Variants in OPN3 observed in about 807,000 individuals in gnomAD.
OPN3 encodes opsin 3.
In OPN3, 29 loss-of-function variants were observed where a neutral mutation model predicts 33.8. The observed-to-expected ratio is 0.86, with a 90% CI of 0.64 to 1.17. The LOEUF (loss-of-function observed/expected upper bound fraction) is 1.17. Among genes scored for constraint, OPN3 ranks in the 50% most tolerant of loss-of-function variants. The pLI is 0.00. For missense variants in OPN3, 437 were observed against 514.1 expected (o/e 0.85, Z 1.45); for synonymous variants, 216 against 216.1 (o/e 1.00, Z 0.00).
chr1:241,598,345 G>A (rs193163306), intron 2 of OPN3, among the ~76,000 whole-genome samples: 8 of 152,242 alleles, frequency 5.3e-5, no homozygotes, highest in Admixed American at 4.6e-4. Flanking sequence ...ACGATAAAAT[G>A]CAAAGAATTT....
intron 1 of OPN3, among the ~76,000 whole-genome samples, chr1:241,615,058 T>C (rs1664090690): frequency 6.6e-6 from 1 of 152,156 alleles, no homozygotes. Flanking sequence ...AAAAGGATCA[T>C]TATTACACTA....
Position 241,640,059 on chromosome 1 carries a change from A to G in OPN3, c.196T>C (p.Tyr66His). 1 of 1,612,548 alleles carries G rather than the reference A, an allele frequency of 6.2e-7. No individual in the cohort carries two copies. The highest frequency in any genetic ancestry group is 8.5e-7 in the Non-Finnish European group (1 of 1,179,412). ...GTGCGGAGCCGCTGGAACTTGTAGTAGAGGACGAGCACCAGCAGGTTGTTG... is the reference window on the plus strand; with the variant it reads ...GTGCGGAGCCGCTGGAACTTGTAGTGGAGGACGAGCACCAGCAGGTTGTTG... The part of the protein sequence containing the change: ...VGNNLLVLVL[Y>H]YKFQRLRTPT... The change falls in exon 1 of 4, where the codon TAC becomes CAC. Residue 66 changes from tyrosine to histidine, a missense_variant. Physicochemically the swap from Tyr to His is moderately conservative, Grantham distance 83. Coordinates refer to ENST00000366554, the MANE Select transcript of OPN3 (RefSeq NM_014322.3).
chr1:241,600,041 A>G (rs1356935867), intron 2 of OPN3, among the ~76,000 whole-genome samples: 1 of 152,184 alleles, frequency 6.6e-6, no homozygotes, highest in Non-Finnish European at 1.5e-5. Context: ...AACCTCCAGT[A>G]TTTAGGTCCA....
chr1:241,610,508 TG>T (rs1364224817), intron 1 of OPN3, among the ~76,000 whole-genome samples: 1 of 152,168 alleles, frequency 6.6e-6, no homozygotes, highest in Non-Finnish European at 1.5e-5. Context: ...AGCACAGAAG[TG>T]AAAATATATA....
At chr1:241,637,246 AT>A (rs1322460729) in intron 1 of OPN3, among the ~76,000 whole-genome samples, 1 of 152,240 alleles carries the variant, frequency 6.6e-6, no homozygotes, top group Non-Finnish European at 1.5e-5. Context: ...ATAATCCTGG[AT>A]ACTGGAAAAA....
chr1:241,638,516 G>A (rs1370149250), intron 1 of OPN3, among the ~76,000 whole-genome samples: 1 of 152,152 alleles, frequency 6.6e-6, no homozygotes, highest in Non-Finnish European at 1.5e-5. Context: ...GATACTTTAG[G>A]CTTGGGCTTG....
intron 2 of OPN3, among the ~76,000 whole-genome samples, chr1:241,601,520 T>C (rs899312571): frequency 6.6e-6 from 1 of 152,024 alleles, no homozygotes; most frequent in African/African-American, 2.4e-5. Context: ...CTGGCCAACA[T>C]GGTGAAACCC....
intron 1 of OPN3, among the ~76,000 whole-genome samples, chr1:241,610,146 C>A (rs1275258857): frequency 6.6e-6 from 1 of 152,198 alleles, no homozygotes; most frequent in Non-Finnish European, 1.5e-5. Context: ...TTAGGCTTTG[C>A]CTAAGCTTGC....
chr1:241,607,651 G>A (rs1242238443), intron 1 of OPN3, among the ~76,000 whole-genome samples: 1 of 144,754 alleles, frequency 6.9e-6, no homozygotes, highest in Non-Finnish European at 1.5e-5. Context: ...AAAGAAGAAA[G>A]AAGAAAGAAA....
At chr1:241,618,892 T>A (rs2148011977) in intron 1 of OPN3, among the ~76,000 whole-genome samples, 1 of 151,748 alleles carries the variant, frequency 6.6e-6, no homozygotes, top group East Asian at 1.9e-4. Flanking sequence ...GCTTATTTCA[T>A]CTTATCTAAG....
chr1:241,633,775 G>C, intron 1 of OPN3: 1 of 1,611,636 alleles, frequency 6.2e-7, no homozygotes, highest in Non-Finnish European at 8.5e-7. Context: ...GTCCAAAACA[G>C]CATTTCGAGA....
At chr1:241,601,074 A>G (rs1663665373) in intron 2 of OPN3, 1 of 152,164 alleles carries the variant, frequency 6.6e-6, no homozygotes, top group South Asian at 2.1e-4. Flanking sequence ...AGAGAAAGAA[A>G]GTGTGCTAAG....
rs1573971255 is a variant in OPN3 at position 241,639,994 on chromosome 1, G to A, written c.261C>T (p.Asp87=). The A allele has an allele frequency of 1.2e-6, 2 of 1,612,950 alleles. No homozygotes were observed. The highest frequency in any genetic ancestry group is 1.7e-6 in the Non-Finnish European group (2 of 1,179,560). ...HLLLVNISLS[D]LLVSLFGVTF... ...TGACCCCGAAGAGGGACACCAGCAG[G>A]TCGCTGAGGCTGATGTTGACCAGGA... Residue 87 remains aspartate (D), a synonymous_variant, in exon 1 of 4, where the codon GAC becomes GAT. Coordinates refer to ENST00000366554, the MANE Select transcript of OPN3 (RefSeq NM_014322.3).
intron 1 of OPN3, chr1:241,635,484 T>C (rs760303618): frequency 6.2e-7 from 1 of 1,613,900 alleles, no homozygotes; most frequent in Non-Finnish European, 8.5e-7. Context: ...TGTTGAATAG[T>C]TTCATCCTTC....
intron 1 of OPN3, among the ~76,000 whole-genome samples, chr1:241,607,612 G>T (rs1255316037): frequency 6.9e-6 from 1 of 145,668 alleles, no homozygotes; most frequent in Non-Finnish European, 1.5e-5. Context: ...GAGAAAGGAG[G>T]GAAGGAAGGA....
chr1:241,637,205 C>T (rs1335228930), intron 1 of OPN3, among the ~76,000 whole-genome samples: 1 of 152,184 alleles, frequency 6.6e-6, no homozygotes, highest in Non-Finnish European at 1.5e-5. Flanking sequence ...TAAATCAGTA[C>T]AAGCTGTACC....
intron 1 of OPN3, chr1:241,632,112 G>A (rs1394111213): frequency 6.6e-6 from 1 of 152,098 alleles, no homozygotes; most frequent in East Asian, 1.9e-4. Context: ...CTGAATCATG[G>A]AGTTGTTTCC....
chr1:241,635,160 A>T (rs759792732), intron 1 of OPN3: 1 of 1,612,840 alleles, frequency 6.2e-7, no homozygotes, highest in Admixed American at 1.7e-5. Flanking sequence ...TCTACTGTAG[A>T]TTTGCTTTCA....
At chr1:241,617,360 T>C (rs1156966210) in intron 1 of OPN3, among the ~76,000 whole-genome samples, 1 of 152,238 alleles carries the variant, frequency 6.6e-6, no homozygotes, top group Non-Finnish European at 1.5e-5. Flanking sequence ...AATTGTGGAA[T>C]AGCTCTGTGA....
Sources: allele counts gnomAD v4.1 joint callset (sites outside exome capture counted in the v4.1 genomes callset), GRCh38; gene constraint gnomAD v4.1.1; transcripts MANE v1.5; gene names NCBI Gene and HGNC (gene_info 2026-07-23, HGNC 2026-07-21).